The following ANKRD26 variants were observed in gnomAD, a reference collection of about 807,000 sequenced individuals.
ANKRD26 encodes ankyrin repeat domain 26.
Under a neutral mutation model 208.7 loss-of-function variants are expected in ANKRD26, and 141 were observed. That is an observed-to-expected ratio of 0.68 (90% CI 0.59 to 0.78). The LOEUF is 0.78. Among genes scored for constraint, ANKRD26 ranks in the 30% least tolerant of loss-of-function variants. ANKRD26 has a pLI of 0.00. For synonymous variants in ANKRD26, 636 were observed against 660.4 expected (o/e 0.96, Z 0.57); for missense variants, 1,889 against 1,938.7 (o/e 0.97, Z 0.48).
chr10:27,082,858 A>C, intron 5 of ANKRD26, 25 bp from the exon 6 acceptor site: 2 of 1,577,648 alleles, frequency 1.3e-6, no homozygotes, highest in Non-Finnish European at 1.7e-6. Flanking sequence ...AGTAAAACAC[A>C]CTTTAAATCA....
chr10:27,077,711 G>T lies in ANKRD26; in HGVS notation c.814-18C>A, dbSNP rs1247681822. The T allele has an allele frequency of 6.3e-7, 1 of 1,599,628 alleles. No individual in the cohort carries two copies. Among genetic ancestry groups the T allele is most frequent in the South Asian group, 1.1e-5 (1 of 90,590 alleles). ...GGGACATTCTAGAAAACAAAAATAAGAATAACAAGTTTTAAAAAAACAAGT... is the reference window on the plus strand; with the variant it reads ...GGGACATTCTAGAAAACAAAAATAATAATAACAAGTTTTAAAAAAACAAGT... On this transcript the variant is annotated intron_variant, in intron 7 of 33. Transcript: ENST00000376087.
At chr10:27,071,692 G>C (rs1422690871) in intron 9 of ANKRD26, among the ~76,000 whole-genome samples, 1 of 152,036 alleles carries the variant, frequency 6.6e-6, no homozygotes, top group Non-Finnish European at 1.5e-5. Context: ...AAGAACAGGC[G>C]GGCAGCAGTG....
chr10:27,053,433 A>G (rs1470703334), intron 15 of ANKRD26, 43 bp from the exon 16 acceptor site: 1 of 1,308,842 alleles, frequency 7.6e-7, no homozygotes, highest in South Asian at 1.3e-5. Context: ...TACTTAGAAC[A>G]GTTAGGTAAA....
intron 3 of ANKRD26, among the ~76,000 whole-genome samples, chr10:26,986,676 A>G (rs1226282443): frequency 1.3e-5 from 2 of 152,258 alleles, no homozygotes; most frequent in Non-Finnish European, 2.9e-5. Flanking sequence ...GACACATGAA[A>G]AAATGCTCAT....
chr10:27,056,040 C>A (rs1367551375), intron 15 of ANKRD26, among the ~76,000 whole-genome samples: 1 of 152,136 alleles, frequency 6.6e-6, no homozygotes, highest in Non-Finnish European at 1.5e-5. Flanking sequence ...AAATTACTGT[C>A]CCTCCTAATT....
chr10:26,992,640 T>TA (rs2052511362), intron 5 of ANKRD26, among the ~76,000 whole-genome samples: 11 of 152,128 alleles, frequency 7.2e-5, no homozygotes, highest in Admixed American at 6.6e-4. Flanking sequence ...GCCTTTTTGG[T>TA]TGCATGTTGA....
chr10:26,963,903 G>GTTTTTTTTTT, the ANKRD26 span, among the ~76,000 whole-genome samples: 12 of 71,844 alleles, frequency 1.7e-4, no homozygotes, highest in East Asian at 7.4e-4. Flanking sequence ...TGGTTGGTTG[G>GTTTTTTTTTT]TTTTTTTTTT....
In ANKRD26 at chr10:27,017,774, C is replaced by G; in HGVS notation, c.4234G>C (p.Glu1412Gln). Residue 1412 changes from glutamate (E) to glutamine (Q), a missense_variant, in exon 30 of 34, where the codon GAA becomes CAA. Coordinates refer to ENST00000376087, the MANE Select transcript of ANKRD26 (RefSeq NM_014915.3). ...CATTTTGAACCTGCAGTCTCCAGTT[C>G]TGCTGTAAGATCATCAATCTGAATG... ...LKHKIDDLTA[E>Q]LETAGSKCLH... 6.2e-7 allele frequency: 1 copy of G among 1,612,610 alleles called. No individual in the cohort carries two copies. Among genetic ancestry groups the G allele is most frequent in the Non-Finnish European group, 8.5e-7 (1 of 1,179,750 alleles).
Position 27,086,761 on chromosome 10 carries a change from CTTTTTTGT to C in ANKRD26, c.639-160_639-153del, listed in dbSNP as rs2056130112. 5 of 377,740 alleles carry C rather than the reference CTTTTTTGT, an allele frequency of 1.3e-5. No homozygotes were observed. In the South Asian group the frequency reaches 1.5e-4, roughly 11 times the overall value. 23.4% of individuals were successfully genotyped at this position (377,740 alleles called of 1,614,324 possible). A position where few individuals can be genotyped will look rare whatever the true frequency, so the allele number is the denominator to read the frequency against. On this transcript the variant is annotated intron_variant, in intron 4 of 33. Coordinates refer to ENST00000376087, the MANE Select transcript of ANKRD26 (RefSeq NM_014915.3). ...ACTTCAAATATGTAAGCTCTACAAACTTTTTTGTTTTTTTTTTTTTTTTTTTTTGAGAC... is the reference window on the plus strand; with the variant it reads ...ACTTCAAATATGTAAGCTCTACAAACTTTTTTTTTTTTTTTTTTTTGAGAC...
chr10:26,956,537 T>G, the ANKRD26 span, among the ~76,000 whole-genome samples: 3 of 151,948 alleles, frequency 2.0e-5, no homozygotes, highest in African/African-American at 7.3e-5. Context: ...GAGGCCAAAG[T>G]AGGAGGATCA....
chr10:27,063,863 CCT>C (rs1168053678), intron 12 of ANKRD26, 123 bp downstream of exon 12: 1 of 794,072 alleles, frequency 1.3e-6, no homozygotes, highest in African/African-American at 1.7e-5. Context: ...CACAATTTTA[CCT>C]CTCTTTATTC....
chr10:27,026,619 A>G (rs1237963689), intron 27 of ANKRD26, among the ~76,000 whole-genome samples: 2 of 152,180 alleles, frequency 1.3e-5, no homozygotes, highest in Non-Finnish European at 2.9e-5. Context: ...AGTATTTACA[A>G]TGCAACCTTC....
At chr10:27,088,761 C>CT (rs2056203205) in intron 4 of ANKRD26, among the ~76,000 whole-genome samples, 1 of 152,200 alleles carries the variant, frequency 6.6e-6, no homozygotes, top group South Asian at 2.1e-4. Context: ...AAAAGAAACT[C>CT]TGATCTCTTC....
chr10:26,966,880 A>G, the ANKRD26 span, among the ~76,000 whole-genome samples: 1 of 152,176 alleles, frequency 6.6e-6, no homozygotes, highest in African/African-American at 2.4e-5. Flanking sequence ...GATTCATAAT[A>G]CCTATAAAAA....
chr10:27,003,075 C>T (rs1014787786), downstream of ANKRD26, among the ~76,000 whole-genome samples: 1 of 152,086 alleles, frequency 6.6e-6, no homozygotes, highest in Non-Finnish European at 1.5e-5. Context: ...TTAGCCTATG[C>T]CAAATTGGTT....
At chr10:26,995,847 C>T (rs780418955) in intron 4 of ANKRD26, among the ~76,000 whole-genome samples, 24 of 152,148 alleles carry the variant, frequency 1.6e-4, no homozygotes, top group Non-Finnish European at 8.8e-5. Flanking sequence ...ATGTCATCCA[C>T]GTATTGGATG....
intron 20 of ANKRD26, among the ~76,000 whole-genome samples, chr10:27,042,527 G>A (rs933097583): frequency 6.6e-6 from 1 of 152,074 alleles, no homozygotes; most frequent in African/African-American, 2.4e-5. Flanking sequence ...GCCAAGGCGG[G>A]TGGATCCGGA....
Position 27,051,117 on chromosome 10 carries a change from C to A in ANKRD26, c.1636-2138G>T, listed in dbSNP as rs184107678. 1.9e-4 allele frequency: 241 copies of A among 1,289,500 alleles called. No individual in the cohort carries two copies. The African/African-American group carries it at 3.3e-3, about 18-fold the overall frequency. 79.9% of individuals were successfully genotyped at this position (1,289,500 alleles called of 1,614,324 possible). On this transcript the variant is annotated intron_variant, in intron 16 of 33. Coordinates refer to ENST00000376087, the MANE Select transcript of ANKRD26 (RefSeq NM_014915.3). ...AGCCTGGAACTCTACTTTTAACATG[C>A]CTATCTCATTTTTAAACCTTTGCAT...
At chr10:27,053,411 A>G in intron 15 of ANKRD26, 21 bp from the exon 16 acceptor site, 3 of 1,555,566 alleles carry the variant, frequency 1.9e-6, no homozygotes, top group Non-Finnish European at 2.7e-6. Context: ...CCAAATATTT[A>G]GTTTAATGAA....
Sources: allele counts gnomAD v4.1 joint callset (sites outside exome capture counted in the v4.1 genomes callset), GRCh38; gene constraint gnomAD v4.1.1; transcripts MANE v1.5; gene names NCBI Gene and HGNC (gene_info 2026-07-23, HGNC 2026-07-21).